Variants in LRRC43 observed in about 807,000 individuals in gnomAD.
LRRC43 encodes the protein leucine-rich repeat-containing protein 43.
Under a neutral mutation model 64.3 loss-of-function variants are expected in LRRC43, and 62 were observed. The observed-to-expected ratio is 0.96, with a 90% confidence interval of 0.79 to 1.19. LRRC43 has a LOEUF of 1.19. Among genes scored for constraint, LRRC43 ranks in the 50% most tolerant of loss-of-function variants. The pLI, the probability that LRRC43 is intolerant of heterozygous loss-of-function variation, is 0.00. For missense variants in LRRC43, 868 were observed against 845.0 expected, an observed-to-expected ratio of 1.03 and a Z score of -0.34; for synonymous variants, 422 against 382.3, an observed-to-expected ratio of 1.10 and a Z score of -1.21.
upstream of LRRC43, among the ~76,000 whole-genome samples, chr12:122,181,692 G>T (rs1163839118): frequency 1.5e-4 from 21 of 143,374 alleles, no homozygotes; most frequent in Admixed American, 5.0e-4. Context: ...TGCAACCTCC[G>T]CCTCCTGGGT....
chr12:122,189,363 C>G (rs771910822), intron 4 of LRRC43: 1 of 453,640 alleles, frequency 2.2e-6, no homozygotes, highest in Non-Finnish European at 4.4e-6. Context: ...AGGGAAGCCC[C>G]CTCTCTGACC....
In LRRC43 at chr12:122,203,450, G is replaced by A. The variant is rs1953869672; in HGVS notation, c.*8G>A. ...CGCATGTTCGCCGTGTAGGGCGTGG[G>A]CAGTAAAGGCTGTTCCCAGCACTCC... On this transcript the variant is annotated 3_prime_UTR_variant, in exon 12 of 12. Coordinates refer to ENST00000339777, the MANE Select transcript of LRRC43 (RefSeq NM_001098519.2). 1 of 1,606,120 alleles carries A rather than the reference G, an allele frequency of 6.2e-7. No homozygotes were observed. The highest frequency in any genetic ancestry group is 8.5e-7 in the Non-Finnish European group (1 of 1,177,792).
chr12:122,183,995 T>C (rs1953611407), intron 1 of LRRC43, among the ~76,000 whole-genome samples: 1 of 152,184 alleles, frequency 6.6e-6, no homozygotes, highest in African/African-American at 2.4e-5. Flanking sequence ...CCTGCCTTTT[T>C]AAAAGGAATG....
chr12:122,176,721 C>T (rs1744597766), intron 1 of LRRC43, among the ~76,000 whole-genome samples: 1 of 151,710 alleles, frequency 6.6e-6, no homozygotes, highest in South Asian at 2.1e-4. Flanking sequence ...GTGGCGCAAT[C>T]TCAGCTCACT....
chr12:122,172,282 A>T, intron 1 of LRRC43: 1 of 675,982 alleles, frequency 1.5e-6, no homozygotes, highest in East Asian at 2.6e-5. Flanking sequence ...ACTAGCCCAT[A>T]TGAGGGGTCC....
chr12:122,200,593 A>AGGGGGAGAAAGACAAGAAAGGG lies in LRRC43; in HGVS notation c.1554_1575dup (p.Lys526GlyfsTer79). 3 of 1,613,830 alleles carry AGGGGGAGAAAGACAAGAAAGGG rather than the reference A, an allele frequency of 1.9e-6. No homozygotes were observed. The highest frequency in any genetic ancestry group is 2.5e-6 in the Non-Finnish European group (3 of 1,179,812). ...AGTCCCCTGTCTGCCAAGAAAGGAA[A>AGGGGGAGAAAGACAAGAAAGGG]GGGGGAGAAAGACAAGAAAGGGAAG... On this transcript the variant is annotated frameshift_variant, in exon 9 of 12. Transcript: ENST00000339777. LOFTEE classifies it high-confidence loss of function. The surrounding 1 kb of genome is among the most constrained non-coding windows in gnomAD (Gnocchi z 4.6).
At chr12:122,182,539 A>G (rs953042973), upstream of LRRC43, among the ~76,000 whole-genome samples, 9 of 149,168 alleles carry the variant, frequency 6.0e-5, no homozygotes, top group Non-Finnish European at 1.3e-4. Flanking sequence ...AAAAAAAAAA[A>G]AAAAAAAGCC....
Position 122,190,156 on chromosome 12 carries a change from G to T in LRRC43, c.689G>T (p.Gly230Val). ...CCCAACCTCGTCTCCCTGGACCTGG[G>T]CTTCAACGACCTGACAGACCTGCAG... ...HWPNLVSLDL[G>V]FNDLTDLQSM... The change falls in exon 5 of 12, where the codon GGC becomes GTC. Residue 230 changes from glycine (G) to valine (V), a missense_variant. By Grantham distance (109) the Gly-to-Val change is moderately radical (BLOSUM62 -3). Coordinates refer to ENST00000339777, the MANE Select transcript of LRRC43 (RefSeq NM_001098519.2). 1 of 1,614,098 alleles carries T rather than the reference G, an allele frequency of 6.2e-7. No individual in the cohort carries two copies. Among genetic ancestry groups the T allele is most frequent in the Non-Finnish European group, 8.5e-7 (1 of 1,180,018 alleles).
At chr12:122,191,321 T>C in intron 5 of LRRC43, 59 bp from the exon 6 acceptor site, 1 of 1,484,598 alleles carries the variant, frequency 6.7e-7, no homozygotes, top group Admixed American at 2.1e-5. Flanking sequence ...GCCCTCTTGC[T>C]TTCTATCTGC....
intron 7 of LRRC43, among the ~76,000 whole-genome samples, chr12:122,194,396 A>G (rs1953754229): frequency 6.6e-6 from 1 of 151,740 alleles, no homozygotes; most frequent in South Asian, 2.1e-4. Flanking sequence ...GTGAAACACC[A>G]TCTCTACTAA....
intron 1 of LRRC43, 32 bp downstream of exon 1, chr12:122,183,326 C>T: frequency 7.0e-7 from 1 of 1,423,226 alleles, no homozygotes. Context: ...CTCTGGGGGC[C>T]TGGACCGGCT....
intron 1 of LRRC43, among the ~76,000 whole-genome samples, chr12:122,176,659 T>A (rs980517787): frequency 7.1e-6 from 1 of 140,044 alleles, no homozygotes; most frequent in African/African-American, 2.7e-5. Context: ...AGTAGTAGCA[T>A]TTTTTTTTTT....
intron 6 of LRRC43, 89 bp downstream of exon 6, chr12:122,191,656 T>G: frequency 9.8e-7 from 1 of 1,022,312 alleles, no homozygotes. Context: ...TTTAATTAAT[T>G]AATTAATTTA....
rs544248569 is a variant in LRRC43 at position 122,193,196 on chromosome 12, T to C, written c.1349+192T>C. Among the ~76,000 whole-genome samples, 328 of 151,504 alleles carry C rather than the reference T, an allele frequency of 2.2e-3. 8 individuals are homozygous for C. The East Asian group carries it at 0.042, about 19-fold the overall frequency. On this transcript the variant is annotated intron_variant, in intron 7 of 11. Transcript: ENST00000339777. ...GAGATCGAGACCATCCTGGCTAACA[T>C]GGTGAAACCCCGTCTCTACTAAAAA...
intron 2 of LRRC43, among the ~76,000 whole-genome samples, chr12:122,185,734 G>A (rs1185763471): frequency 6.6e-6 from 1 of 152,200 alleles, no homozygotes; most frequent in African/African-American, 2.4e-5. Flanking sequence ...TGGCCCTGGA[G>A]AAGCGAGGCC....
At chr12:122,173,943 C>G (rs200334193) in intron 1 of LRRC43, 152 of 1,613,948 alleles carry the variant, frequency 9.4e-5, no homozygotes, top group Admixed American at 1.7e-4. Flanking sequence ...TGTGGGAGGC[C>G]AGCCAGCCTC....
chr12:122,188,088 AT>A (rs1406472946), intron 4 of LRRC43, among the ~76,000 whole-genome samples: 1 of 152,124 alleles, frequency 6.6e-6, no homozygotes, highest in Admixed American at 6.6e-5. Context: ...CCGTATTTTA[AT>A]TTTTTAATTT....
intron 3 of LRRC43, 132 bp from the exon 4 acceptor site, chr12:122,187,569 G>A (rs1226039238): frequency 3.1e-6 from 2 of 647,150 alleles, no homozygotes; most frequent in African/African-American, 1.8e-5. Flanking sequence ...GGGAGTCGGG[G>A]TGGTGCCAGG....
chr12:122,177,426 A>T, intron 1 of LRRC43, among the ~76,000 whole-genome samples: 1 of 152,110 alleles, frequency 6.6e-6, no homozygotes, highest in East Asian at 1.9e-4. Context: ...TGAGCAAAGA[A>T]TCTATCCATG....
Sources: gnomAD v4.1 joint callset for allele counts (sites outside exome capture counted in the v4.1 genomes callset) on GRCh38, gnomAD v4.1.1 for gene constraint, Gnocchi (gnomAD v3.1) non-coding constraint, MANE v1.5 for transcripts, NCBI Gene and HGNC (gene_info 2026-07-23, HGNC 2026-07-21) for gene names.